The following QPRT variants were observed in gnomAD, a reference collection of about 807,000 sequenced individuals.
QPRT encodes the protein nicotinate-nucleotide pyrophosphorylase [carboxylating].
Under a neutral mutation model 19.8 loss-of-function variants are expected in QPRT, and 17 were observed. The ratio of observed to expected loss-of-function variants is 0.86; its 90% CI spans 0.59 to 1.29. QPRT has a LOEUF of 1.29. QPRT is among the 50% of genes most tolerant of loss of function. QPRT has a pLI of 0.00. For missense variants in QPRT, 336 were observed against 405.1 expected (o/e 0.83, Z 1.46); for synonymous variants, 178 against 191.0 (o/e 0.93, Z 0.56).
In QPRT at chr16:29,697,070, C is replaced by T. The variant is rs1442659983; in HGVS notation, c.624C>T (p.Ala208=). The T allele has an allele frequency of 1.5e-5, 24 of 1,611,842 alleles. No individual in the cohort carries two copies. The highest frequency in any genetic ancestry group is 1.9e-5 in the Non-Finnish European group (22 of 1,179,158). The change falls in exon 3 of 4, where the codon GCC becomes GCT. Residue 208 remains alanine, a synonymous_variant. Transcript: ENST00000395384. This position sits in a 1 kb window ranked among gnomAD's most constrained non-coding sequence, Gnocchi z 4.4. ...TGGAATGCAGCAGCCTGCAGGAGGCCGTGCAGGCAGCTGAGGCTGGTGCCG... is the reference window on the plus strand; with the variant it reads ...TGGAATGCAGCAGCCTGCAGGAGGCTGTGCAGGCAGCTGAGGCTGGTGCCG... ...VEVECSSLQE[A]VQAAEAGADL... is the part of the protein sequence containing the mutation.
chr16:29,695,607 C>T (rs1042056270), intron 2 of QPRT, among the ~76,000 whole-genome samples: 1 of 150,764 alleles, frequency 6.6e-6, no homozygotes, highest in African/African-American at 2.4e-5. Flanking sequence ...CTCCTGCCTC[C>T]GCCTCCCGAG....
chr16:29,697,950 C>T lies in QPRT; in HGVS notation c.*539C>T, dbSNP rs1967600471. On this transcript the variant is annotated 3_prime_UTR_variant, in exon 4 of 4. Transcript: ENST00000395384. The surrounding 1 kb of genome is among the most constrained non-coding windows in gnomAD (Gnocchi z 4.4). Reference sequence around the variant, plus strand: ...GCAGTGAGCTGATGGTGCCACTGCACTCCAGCCTGGGTGATAGAGCGAGAC... The same window carrying T: ...GCAGTGAGCTGATGGTGCCACTGCATTCCAGCCTGGGTGATAGAGCGAGAC... 6.6e-6 allele frequency: 1 copy of T among 150,628 alleles called. No individual in the cohort carries two copies. The highest frequency in any genetic ancestry group is 2.1e-4 in the South Asian group (1 of 4,740). 9.3% of individuals were successfully genotyped at this position (150,628 alleles called of 1,614,324 possible). A position where few individuals can be genotyped will look rare whatever the true frequency, so the allele number is the denominator to read the frequency against.
intron 1 of QPRT, among the ~76,000 whole-genome samples, chr16:29,692,207 C>T (rs1052906536): frequency 6.6e-5 from 10 of 152,190 alleles, no homozygotes; most frequent in Non-Finnish European, 1.0e-4. Context: ...CCATCACGGG[C>T]TATGCCTACC....
chr16:29,682,344 C>A (rs1170686299), intron 1 of QPRT, among the ~76,000 whole-genome samples: 1 of 151,682 alleles, frequency 6.6e-6, no homozygotes, highest in Non-Finnish European at 1.5e-5. Flanking sequence ...TGGCTCAAAT[C>A]TTTTCATATG....
chr16:29,682,082 G>A (rs1037659150), intron 1 of QPRT, among the ~76,000 whole-genome samples: 4 of 151,984 alleles, frequency 2.6e-5, no homozygotes, highest in Admixed American at 6.6e-5. Flanking sequence ...TTGGTGTGCA[G>A]TAACATAATC....
Position 29,694,648 on chromosome 16 carries a change from T to A in QPRT, c.14-16T>A, listed in dbSNP as rs767388440. 56 of 1,515,946 alleles carry A rather than the reference T, an allele frequency of 3.7e-5. No homozygotes were observed. Among genetic ancestry groups the A allele is most frequent in the Middle Eastern group, 3.6e-4 (2 of 5,624 alleles). 93.9% of individuals were successfully genotyped at this position (1,515,946 alleles called of 1,614,324 possible). A position where few individuals can be genotyped will look rare whatever the true frequency, so the allele number is the denominator to read the frequency against. On this transcript the variant is annotated splice_polypyrimidine_tract_variant and intron_variant, in intron 1 of 3. Transcript: ENST00000395384. ...AGAGGCAGCCAAACTCAACAGCTGT[T>A]CTCTCTTCCCCCCAGGCCTGGCGCT...
At chr16:29,686,441 G>A (rs1041530930) in intron 1 of QPRT, among the ~76,000 whole-genome samples, 3 of 152,066 alleles carry the variant, frequency 2.0e-5, no homozygotes, top group African/African-American at 4.8e-5. Flanking sequence ...TCTTTTCTTC[G>A]CGAGCACGCC....
In QPRT at chr16:29,694,732, C is replaced by T. The variant is rs573689329; in HGVS notation, c.82C>T (p.Pro28Ser). ...LVDSWLREDC[P>S]GLNYAALVSG... is the part of the protein sequence containing the mutation. The stretch of plus-strand genomic sequence containing the variant: ...GGACAGCTGGCTCCGAGAGGACTGC[C>T]CAGGGCTCAACTACGCAGCCTTGGT... Residue 28 changes from proline to serine, a missense_variant, in exon 2 of 4, where the codon CCA (proline) becomes TCA (serine). Physicochemically the swap from Pro to Ser is moderately conservative, Grantham distance 74 (BLOSUM62 -1). Coordinates refer to ENST00000395384, the MANE Select transcript of QPRT (RefSeq NM_014298.6). 8 of 1,602,816 alleles carry T rather than the reference C, an allele frequency of 5.0e-6. No homozygotes were observed. The African/African-American group carries it at 1.1e-4, about 21-fold the overall frequency.
upstream of QPRT, chr16:29,679,055 AG>A: frequency 6.9e-7 from 1 of 1,451,580 alleles, no homozygotes; most frequent in Non-Finnish European, 9.6e-7. Flanking sequence ...AGAGGACAGG[AG>A]GGAGGCTTGG....
In QPRT at chr16:29,697,303, G is replaced by C. The variant is rs113611997; in HGVS notation, c.786G>C (p.Pro262=). Residue 262 remains proline, a synonymous_variant, in exon 4 of 4, where the codon CCG becomes CCC. Coordinates refer to ENST00000395384, the MANE Select transcript of QPRT (RefSeq NM_014298.6). This position sits in a 1 kb window ranked among gnomAD's most constrained non-coding sequence, Gnocchi z 4.4. ...ACAACCTCCCCCAGTTCTGCGGGCC[G>C]CACATAGACGTCATCTCCATGGGGA... The part of the protein sequence containing the change: ...TLDNLPQFCG[P]HIDVISMGML... 6.2e-7 allele frequency: 1 copy of C among 1,614,146 alleles called. No individual in the cohort carries two copies. The highest frequency in any genetic ancestry group is 1.1e-5 in the South Asian group (1 of 91,080).
At chr16:29,685,316 C>T (rs974647180) in intron 1 of QPRT, among the ~76,000 whole-genome samples, 1 of 151,872 alleles carries the variant, frequency 6.6e-6, no homozygotes, top group Non-Finnish European at 1.5e-5. Context: ...TACAAAAATA[C>T]AAAAATTAGC....
rs748524799 is a variant in QPRT, at chr16:29,694,719, C to T, written c.69C>T (p.Leu23=). The T allele has an allele frequency of 1.3e-6, 2 of 1,582,072 alleles. No homozygotes were observed. Among genetic ancestry groups the T allele is most frequent in the Non-Finnish European group, 1.7e-6 (2 of 1,161,596 alleles). Residue 23 remains leucine, a synonymous_variant, in exon 2 of 4, where the codon CTC becomes CTT. Transcript: ENST00000395384. ...TGGCAGCCCTGGTGGACAGCTGGCT[C>T]CGAGAGGACTGCCCAGGGCTCAACT... ...VTLAALVDSW[L]REDCPGLNYA...
intron 1 of QPRT, among the ~76,000 whole-genome samples, chr16:29,680,375 G>A (rs1966963404): frequency 1.3e-5 from 2 of 152,164 alleles, no homozygotes; most frequent in Admixed American, 1.3e-4. Flanking sequence ...AGCATTCTGT[G>A]TAAAGCCGCA....
In QPRT at chr16:29,694,991, T is replaced by C; in HGVS notation, c.341T>C (p.Ile114Thr). 6.2e-7 allele frequency: 1 copy of C among 1,605,992 alleles called. No individual in the cohort carries two copies. Among genetic ancestry groups the C allele is most frequent in the Middle Eastern group, 1.7e-4 (1 of 5,942 alleles). ...ALNTLARCSGIASAAAAAVEA... is the reference protein window; with the variant it reads ...ALNTLARCSGTASAAAAAVEA... ...AACACGCTGGCCCGCTGCAGTGGCA[T>C]TGCCAGTGCTGCCGCCGCTGCAGTG... The change falls in exon 2 of 4, where the codon ATT becomes ACT. Residue 114 changes from isoleucine to threonine, a missense_variant. Coordinates refer to ENST00000395384, the MANE Select transcript of QPRT (RefSeq NM_014298.6).
intron 1 of QPRT, among the ~76,000 whole-genome samples, chr16:29,681,261 A>G (rs1395747272): frequency 6.6e-6 from 1 of 152,000 alleles, no homozygotes; most frequent in Non-Finnish European, 1.5e-5. Context: ...TGGACAATGG[A>G]GTTGGTGGCA....
In QPRT at chr16:29,679,185, G is replaced by A. The variant is rs375926869; in HGVS notation, c.-13G>A. ...AGCAGCCAACACACCAGCCCAGACA[G>A]CTGCAAGTCACCATGGACGCTGAAG... On this transcript the variant is annotated 5_prime_UTR_variant, in exon 1 of 4. Transcript: ENST00000395384. 5.0e-6 allele frequency: 8 copies of A among 1,613,532 alleles called. No homozygotes were observed. Among genetic ancestry groups the A allele is most frequent in the Non-Finnish European group, 6.8e-6 (8 of 1,179,718 alleles).
In QPRT at chr16:29,697,492, A is replaced by C. The variant is rs1222988903; in HGVS notation, c.*81A>C. ...CTCTGGGTCACACATCTTTAGGGTC[A>C]GTGGCCAATGGGGCACATTTGGCAC... On this transcript the variant is annotated 3_prime_UTR_variant, in exon 4 of 4. Transcript: ENST00000395384. The surrounding 1 kb of genome is among the most constrained non-coding windows in gnomAD (Gnocchi z 4.4). The C allele has an allele frequency of 2.1e-6, 3 of 1,411,218 alleles. No individual in the cohort carries two copies. The Admixed American group carries it at 6.1e-5, about 29-fold the overall frequency. The allele number at this position is 1,411,218 out of a possible 1,614,324, so 87.4% of individuals were successfully genotyped here.
chr16:29,684,154 C>A (rs1469898725), intron 1 of QPRT, among the ~76,000 whole-genome samples: 1 of 152,168 alleles, frequency 6.6e-6, no homozygotes, highest in Non-Finnish European at 1.5e-5. Flanking sequence ...GTGGCTTGCT[C>A]TGTCACCCAG....
chr16:29,689,682 G>A (rs1482688156), intron 1 of QPRT, among the ~76,000 whole-genome samples: 1 of 152,026 alleles, frequency 6.6e-6, no homozygotes, highest in African/African-American at 2.4e-5. Context: ...ACCTAAGCCT[G>A]GTAGTTAAAA....
Sources: allele counts gnomAD v4.1 joint callset (sites outside exome capture counted in the v4.1 genomes callset), GRCh38; gene constraint gnomAD v4.1.1; non-coding constraint Gnocchi (gnomAD v3.1); transcripts MANE v1.5; gene names NCBI Gene and HGNC (gene_info 2026-07-23, HGNC 2026-07-21).